Variants in DSTN observed in about 807,000 individuals in gnomAD.
DSTN encodes destrin.
Under a neutral mutation model 16.8 loss-of-function variants are expected in DSTN, and 10 were observed. The observed-to-expected ratio is 0.60, with a 90% CI of 0.37 to 1.01. DSTN has a LOEUF of 1.01. DSTN is among the 50% of genes least tolerant of loss of function. The pLI is 0.01. For missense variants in DSTN, 141 were observed against 196.7 expected (o/e 0.72, Z 1.69); for synonymous variants, 57 against 58.9 (o/e 0.97, Z 0.14).
intron 1 of DSTN, among the ~76,000 whole-genome samples, chr20:17,583,857 C>T (rs2035376626): frequency 6.6e-6 from 1 of 150,984 alleles, no homozygotes; most frequent in Non-Finnish European, 1.5e-5. Context: ...CCACCTCAGC[C>T]TCCTGAATAG....
At chr20:17,592,313 GC>G (rs2035478159) in intron 1 of DSTN, among the ~76,000 whole-genome samples, 1 of 151,760 alleles carries the variant, frequency 6.6e-6, no homozygotes, top group Non-Finnish European at 1.5e-5. Context: ...TCTAGTCCCA[GC>G]TACTCAGGAG....
chr20:17,570,288 C>T (rs760935278), intron 1 of DSTN, 77 bp downstream of exon 1: 1,044 of 1,412,660 alleles, frequency 7.4e-4, no homozygotes, highest in Non-Finnish European at 9.2e-4. Flanking sequence ...GGAGTCGGGG[C>T]TAAGGGGGTG....
intron 1 of DSTN, among the ~76,000 whole-genome samples, chr20:17,587,521 A>G (rs2035424425): frequency 6.6e-6 from 1 of 152,232 alleles, no homozygotes; most frequent in African/African-American, 2.4e-5. Context: ...GTACTTTAAA[A>G]AAAAAGAGTT....
At chr20:17,571,514 T>G (rs576092185) in intron 1 of DSTN, among the ~76,000 whole-genome samples, 52 of 152,356 alleles carry the variant, frequency 3.4e-4, no homozygotes, top group African/African-American at 1.2e-3. Flanking sequence ...AGCTACAAAG[T>G]ATCAGCATCT....
chr20:17,587,029 A>G (rs2035417024), intron 1 of DSTN, among the ~76,000 whole-genome samples: 1 of 151,344 alleles, frequency 6.6e-6, no homozygotes. Context: ...ATATATATAT[A>G]TTCAGTATTT....
chr20:17,604,694 C>G, intron 3 of DSTN, 63 bp downstream of exon 3: 1 of 1,491,336 alleles, frequency 6.7e-7, no homozygotes, highest in Non-Finnish European at 9.1e-7. Flanking sequence ...GGGGCAGCAC[C>G]TTTTCTGAGA....
At chr20:17,588,060 G>GACCAT (rs990103547) in intron 1 of DSTN, among the ~76,000 whole-genome samples, 1 of 152,090 alleles carries the variant, frequency 6.6e-6, no homozygotes, top group Non-Finnish European at 1.5e-5. Context: ...CACAGTGTAT[G>GACCAT]ACCATACCCT....
At chr20:17,592,002 A>G (rs561887320) in intron 1 of DSTN, 2 of 985,508 alleles carry the variant, frequency 2.0e-6, no homozygotes, top group South Asian at 4.7e-5. Flanking sequence ...ATACACAGGC[A>G]CTACGAGAAT....
At chr20:17,594,739 G>C (rs551080438) in intron 1 of DSTN, among the ~76,000 whole-genome samples, 61 of 152,300 alleles carry the variant, frequency 4.0e-4, no homozygotes, top group African/African-American at 1.5e-3. Flanking sequence ...CCAAGTAAGA[G>C]GCAATGGAAG....
At chr20:17,578,673 A>G (rs2035307571) in intron 1 of DSTN, among the ~76,000 whole-genome samples, 1 of 152,322 alleles carries the variant, frequency 6.6e-6, no homozygotes, top group East Asian at 1.9e-4. Context: ...TGAAAGAGCA[A>G]GAAGTGGCCG....
intron 1 of DSTN, among the ~76,000 whole-genome samples, chr20:17,572,431 A>G (rs2122153614): frequency 6.6e-6 from 1 of 152,330 alleles, no homozygotes; most frequent in South Asian, 2.1e-4. Context: ...CAGTAGTTCT[A>G]CTGGATATGG....
intron 1 of DSTN, among the ~76,000 whole-genome samples, chr20:17,590,444 A>G (rs556168664): frequency 7.2e-5 from 11 of 152,344 alleles, no homozygotes; most frequent in African/African-American, 2.4e-4. Context: ...GATAAAATGC[A>G]GTGAAGTATA....
chr20:17,576,593 G>A (rs564859809), intron 1 of DSTN: 7 of 152,330 alleles, frequency 4.6e-5, no homozygotes, highest in African/African-American at 1.7e-4. Flanking sequence ...TCTAATTGAA[G>A]GTGTGAAAAG....
chr20:17,600,690 G>C, intron 1 of DSTN, 48 bp from the exon 2 acceptor site: 1 of 1,490,464 alleles, frequency 6.7e-7, no homozygotes, highest in Non-Finnish European at 8.9e-7. Context: ...TTTATGTTTG[G>C]CACAATAAAA....
chr20:17,586,001 A>G (rs970326171), intron 1 of DSTN, among the ~76,000 whole-genome samples: 1 of 152,144 alleles, frequency 6.6e-6, no homozygotes, highest in Non-Finnish European at 1.5e-5. Flanking sequence ...AAAGTTTAAT[A>G]GACAAAAAAG....
At chr20:17,581,228 C>A (rs959487413) in intron 1 of DSTN, among the ~76,000 whole-genome samples, 1 of 152,092 alleles carries the variant, frequency 6.6e-6, no homozygotes, top group African/African-American at 2.4e-5. Context: ...TGCTTGTAAT[C>A]CCAATGCTTT....
At chr20:17,592,193 A>G in intron 1 of DSTN, 4 of 722,122 alleles carry the variant, frequency 5.5e-6, no homozygotes, top group Non-Finnish European at 6.8e-6. Flanking sequence ...TGGGAGGCCA[A>G]GGCAGGCAGA....
intron 3 of DSTN, among the ~76,000 whole-genome samples, 187 bp downstream of exon 3, chr20:17,604,818 T>C (rs925298341): frequency 1.2e-4 from 18 of 152,232 alleles, no homozygotes; most frequent in African/African-American, 4.3e-4. Flanking sequence ...TGCTGGTTGC[T>C]CTGGGTCTGC....
At chr20:17,575,162 G>T (rs1330891621) in intron 1 of DSTN, among the ~76,000 whole-genome samples, 2 of 151,946 alleles carry the variant, frequency 1.3e-5, no homozygotes, top group African/African-American at 4.8e-5. Context: ...TTCATAAATA[G>T]AATTTGTTTA....
Sources: gnomAD v4.1 joint callset for allele counts (sites outside exome capture counted in the v4.1 genomes callset) on GRCh38, gnomAD v4.1.1 for gene constraint, MANE v1.5 for transcripts, NCBI Gene and HGNC (gene_info 2026-07-23, HGNC 2026-07-21) for gene names.